Variants in UGGT2 observed in about 807,000 individuals in gnomAD.
UGGT2 encodes the protein UDP-glucose:glycoprotein glucosyltransferase 2.
UGGT2 carries 180 observed loss-of-function variants against 192.1 expected under a neutral mutation model. That is an observed-to-expected ratio of 0.94 (90% CI 0.83 to 1.06). The LOEUF is 1.06. UGGT2 is among the 50% of genes least tolerant of loss of function. UGGT2 has a pLI of 0.00. For synonymous variants in UGGT2, 580 were observed against 591.0 expected (o/e 0.98, Z 0.27); for missense variants, 1,849 against 1,795.7 (o/e 1.03, Z -0.54).
intron 20 of UGGT2, among the ~76,000 whole-genome samples, chr13:95,913,939 A>G: frequency 6.6e-6 from 1 of 152,176 alleles, no homozygotes. Context: ...CTTTGCCGGG[A>G]CATGGATGAA....
intron 24 of UGGT2, among the ~76,000 whole-genome samples, chr13:95,893,232 C>A (rs1452805266): frequency 1.3e-5 from 2 of 151,938 alleles, no homozygotes; most frequent in African/African-American, 4.8e-5. Context: ...TCAAACATAT[C>A]AATACAGAAA....
intron 20 of UGGT2, among the ~76,000 whole-genome samples, chr13:95,923,700 T>C (rs932848868): frequency 3.9e-5 from 6 of 152,230 alleles, no homozygotes; most frequent in Non-Finnish European, 7.3e-5. Context: ...AATATTTCCA[T>C]GTAGACAGTT....
chr13:95,820,745 C>T (rs1885425752), intron 38 of UGGT2, among the ~76,000 whole-genome samples: 1 of 151,710 alleles, frequency 6.6e-6, no homozygotes, highest in African/African-American at 2.4e-5. Context: ...TCTTTTATCC[C>T]TCACTCCCTT....
chr13:95,967,139 G>A (rs2050606126), intron 12 of UGGT2, among the ~76,000 whole-genome samples: 1 of 151,590 alleles, frequency 6.6e-6, no homozygotes, highest in Admixed American at 6.6e-5. Flanking sequence ...TCGTTATAAG[G>A]GCACCACAGG....
intron 17 of UGGT2, among the ~76,000 whole-genome samples, chr13:95,929,189 G>A (rs970635840): frequency 2.6e-5 from 4 of 152,038 alleles, no homozygotes; most frequent in Non-Finnish European, 5.9e-5. Flanking sequence ...TGAGGGAGAG[G>A]GGGAGGGAGA....
At chr13:96,029,097 G>A (rs2052753123) in intron 2 of UGGT2, among the ~76,000 whole-genome samples, 1 of 152,004 alleles carries the variant, frequency 6.6e-6, no homozygotes, top group African/African-American at 2.4e-5. Context: ...CTGGCAGTTA[G>A]CCGAGATCAT....
At chr13:96,012,603 A>G (rs1454167386) in intron 5 of UGGT2, among the ~76,000 whole-genome samples, 1 of 152,076 alleles carries the variant, frequency 6.6e-6, no homozygotes, top group Non-Finnish European at 1.5e-5. Context: ...TTACAAATAT[A>G]TTTTTAAGGT....
In UGGT2 at chr13:96,010,961, A is replaced by C. The variant is rs182484779; in HGVS notation, c.660+2346T>G. Among the ~76,000 whole-genome samples the C allele has an allele frequency of 2.6e-5, 4 of 152,338 alleles. No individual in the cohort carries two copies. The East Asian group carries it at 7.7e-4, about 29-fold the overall frequency. On this transcript the variant is annotated intron_variant, in intron 5 of 38. Transcript: ENST00000376747. Reference sequence around the variant, plus strand: ...AAAGCAAAGCCAGAAATAGACCCATACAAATACAGTCAATTATATTTTACA... The same window carrying C: ...AAAGCAAAGCCAGAAATAGACCCATCCAAATACAGTCAATTATATTTTACA...
At chr13:95,918,573 A>C (rs1475642052) in intron 20 of UGGT2, among the ~76,000 whole-genome samples, 1 of 152,120 alleles carries the variant, frequency 6.6e-6, no homozygotes, top group Non-Finnish European at 1.5e-5. Flanking sequence ...CTTCAAAAAA[A>C]ATCAACCAAT....
chr13:95,908,006 G>T (rs1334137940), intron 20 of UGGT2, among the ~76,000 whole-genome samples: 1 of 152,110 alleles, frequency 6.6e-6, no homozygotes, highest in East Asian at 1.9e-4. Context: ...CTAGAAAAAA[G>T]ATAAGACAAA....
chr13:95,820,708 G>A (rs374665693), intron 38 of UGGT2, among the ~76,000 whole-genome samples: 1 of 151,882 alleles, frequency 6.6e-6, no homozygotes, highest in East Asian at 1.9e-4. Context: ...CGTCACCTGA[G>A]TAGTGTACAT....
chr13:95,849,283 TC>T (rs1246601099), intron 36 of UGGT2, among the ~76,000 whole-genome samples: 7 of 152,272 alleles, frequency 4.6e-5, no homozygotes, highest in Admixed American at 4.6e-4. Context: ...ACGCCTGTAA[TC>T]CCAGCACTTT....
chr13:95,855,838 C>T (rs979996272), intron 34 of UGGT2, among the ~76,000 whole-genome samples: 2 of 152,126 alleles, frequency 1.3e-5, no homozygotes, highest in African/African-American at 4.8e-5. Context: ...AATATCAGCA[C>T]ATAATTTACA....
In UGGT2 at chr13:95,912,328, T is replaced by C. The variant is rs576897871; in HGVS notation, c.2296-9268A>G. On this transcript the variant is annotated intron_variant, in intron 20 of 38. Transcript: ENST00000376747. ...GTTTGCAGATGACATGATTGTATAT[T>C]TAGAAAACCCCATCGTCTGAACCCA... Among the ~76,000 whole-genome samples, 190 of 152,244 alleles carry C rather than the reference T, an allele frequency of 1.2e-3. No homozygotes were observed. In the Middle Eastern group the frequency reaches 0.014, roughly 11 times the overall value.
At chr13:95,942,720 G>T (rs2049732804) in intron 15 of UGGT2, among the ~76,000 whole-genome samples, 1 of 151,928 alleles carries the variant, frequency 6.6e-6, no homozygotes, top group South Asian at 2.1e-4. Flanking sequence ...CATATGTATT[G>T]TAAATACTTC....
At chr13:95,861,230 G>A (rs976380198) in intron 31 of UGGT2, among the ~76,000 whole-genome samples, 1 of 152,018 alleles carries the variant, frequency 6.6e-6, no homozygotes, top group Non-Finnish European at 1.5e-5. Context: ...AGGTCAATGA[G>A]GGAAGGAACA....
intron 36 of UGGT2, among the ~76,000 whole-genome samples, chr13:95,838,257 C>T (rs1232222193): frequency 6.6e-6 from 1 of 152,036 alleles, no homozygotes; most frequent in Non-Finnish European, 1.5e-5. Context: ...AAATATGTTC[C>T]TCAACAAAAT....
intron 12 of UGGT2, among the ~76,000 whole-genome samples, chr13:95,950,414 T>G (rs536759741): frequency 1.3e-5 from 2 of 151,814 alleles, no homozygotes; most frequent in Non-Finnish European, 2.9e-5. Context: ...GACACAAAAA[T>G]AGTAGAGCCT....
chr13:95,994,207 A>C (rs539712631), intron 7 of UGGT2, among the ~76,000 whole-genome samples: 1 of 152,096 alleles, frequency 6.6e-6, no homozygotes, highest in East Asian at 1.9e-4. Context: ...CTCTAAGCAC[A>C]CTAAGTCAAA....
Sources: gnomAD v4.1 joint callset for allele counts (sites outside exome capture counted in the v4.1 genomes callset) on GRCh38, gnomAD v4.1.1 for gene constraint, MANE v1.5 for transcripts, NCBI Gene and HGNC (gene_info 2026-07-23, HGNC 2026-07-21) for gene names.